Variants in KIRREL3 observed in about 807,000 individuals in gnomAD.
KIRREL3 encodes the protein kirre like nephrin family adhesion molecule 3.
KIRREL3 carries 36 observed loss-of-function variants against 89.7 expected under a neutral mutation model. That is an observed-to-expected ratio of 0.40 (90% confidence interval 0.31 to 0.53). The LOEUF (loss-of-function observed/expected upper bound fraction) is 0.53, where lower values mean the gene tolerates loss of function less well. KIRREL3 is among the 20% of genes least tolerant of loss of function. The pLI, the probability that KIRREL3 is intolerant of heterozygous loss-of-function variation, is 0.49. For synonymous variants in KIRREL3, 445 were observed against 441.4 expected (o/e 1.01, Z -0.10); for missense variants, 864 against 1,056.6 (o/e 0.82, Z 2.53).
chr11:126,866,578 C>A (rs894249454), intron 1 of KIRREL3, among the ~76,000 whole-genome samples: 6 of 87,484 alleles, frequency 6.9e-5, no homozygotes, highest in Non-Finnish European at 1.4e-4. Context: ...TAAGTGAGGA[C>A]AAGCCACTCC....
rs529470700 is a variant in KIRREL3 at position 126,750,881 on chromosome 11, C to T, written c.56-187969G>A. Among the ~76,000 whole-genome samples, 1 of 152,308 alleles carries T rather than the reference C, an allele frequency of 6.6e-6. No homozygotes were observed. Among genetic ancestry groups the T allele is most frequent in the African/African-American group, 2.4e-5 (1 of 41,576 alleles). On this transcript the variant is annotated intron_variant, in intron 1 of 16. Transcript: ENST00000525144. The surrounding 1 kb of genome is among the most constrained non-coding windows in gnomAD (Gnocchi z 4.2). ...CTAATAAAACACATGATAGTTATCA[C>T]TTTAGGGATGGCTTTGATTTGCAGG...
At chr11:126,849,279 TA>T (rs1209084268) in intron 1 of KIRREL3, among the ~76,000 whole-genome samples, 1 of 41,936 alleles carries the variant, frequency 2.4e-5, no homozygotes. Flanking sequence ...AGTTACCCTA[TA>T]CAGTCTCAGA....
Position 126,612,117 on chromosome 11 carries a change from A to G in KIRREL3, c.56-49205T>C, listed in dbSNP as rs76792771. ...TAACCTGTCTTCCTCCTGCTGAAAT[A>G]TCAACTCCAAGAGGGCAAGGAGTGT... On this transcript the variant is annotated intron_variant, in intron 1 of 16. Coordinates refer to ENST00000525144, the MANE Select transcript of KIRREL3 (RefSeq NM_032531.4). The surrounding 1 kb of genome is among the most constrained non-coding windows in gnomAD (Gnocchi z 4.5). Among the ~76,000 whole-genome samples the G allele has an allele frequency of 6.6e-3, 1,002 of 152,302 alleles. 14 individuals carry two copies. The highest frequency in any genetic ancestry group is 0.023 in the African/African-American group (950 of 41,558).
intron 1 of KIRREL3, among the ~76,000 whole-genome samples, chr11:126,847,393 C>T (rs562574113): frequency 1.5e-4 from 23 of 152,092 alleles, no homozygotes; most frequent in African/African-American, 4.8e-4. Flanking sequence ...CTGTGGCTGC[C>T]CTAAACATTT....
chr11:126,529,779 A>G (rs1442163497), intron 2 of KIRREL3, among the ~76,000 whole-genome samples: 1 of 151,844 alleles, frequency 6.6e-6, no homozygotes, highest in African/African-American at 2.4e-5. Context: ...CTAATTGACA[A>G]TGTCCCTTTT....
rs372074370 is a variant in KIRREL3 at position 126,897,412 on chromosome 11, G to GA, written c.55+103042dup. On this transcript the variant is annotated intron_variant, in intron 1 of 16. Transcript: ENST00000525144. This position sits in a 1 kb window ranked among gnomAD's most constrained non-coding sequence, Gnocchi z 4.2. Reference sequence around the variant, plus strand: ...TCCCCAAGCGTTCTCTTATTTTGGGGAAAAAAAATGAATGTGCAATTCAAC... The same window carrying GA: ...TCCCCAAGCGTTCTCTTATTTTGGGGAAAAAAAAATGAATGTGCAATTCAAC... 3.3e-5 allele frequency among the ~76,000 whole-genome samples: 5 copies of GA among 151,630 alleles called. No individual in the cohort carries two copies. The highest frequency in any genetic ancestry group is 7.3e-5 in the African/African-American group (3 of 41,272).
rs1398039595 is a variant in KIRREL3 at position 126,918,494 on chromosome 11, G to T, written c.55+81961C>A. Among the ~76,000 whole-genome samples, 1 of 152,200 alleles carries T rather than the reference G, an allele frequency of 6.6e-6. No individual in the cohort carries two copies. Among genetic ancestry groups the T allele is most frequent in the African/African-American group, 2.4e-5 (1 of 41,444 alleles). ...ATAAGCAAGCTTGTGGTGGAGGGCA[G>T]TTACCGGATTTTAATTAACTAGCTG... On this transcript the variant is annotated intron_variant, in intron 1 of 16. Transcript: ENST00000525144. This position sits in a 1 kb window ranked among gnomAD's most constrained non-coding sequence, Gnocchi z 6.5.
At position 126,990,260 on chromosome 11, in the gene KIRREL3, C is replaced by T. The variant is rs1209381201; in HGVS notation, c.55+10195G>A. Among the ~76,000 whole-genome samples, 1 of 152,182 alleles carries T rather than the reference C, an allele frequency of 6.6e-6. No individual in the cohort carries two copies. The highest frequency in any genetic ancestry group is 1.9e-4 in the East Asian group (1 of 5,180). On this transcript the variant is annotated intron_variant, in intron 1 of 16. Transcript: ENST00000525144. The surrounding 1 kb of genome is among the most constrained non-coding windows in gnomAD (Gnocchi z 6.3). Reference sequence around the variant, plus strand: ...CTCTTTGAAGCTCTCTCAAGCCCCTCTGAGCATTTGCAATTGTACCCCCTT... The same window carrying T: ...CTCTTTGAAGCTCTCTCAAGCCCCTTTGAGCATTTGCAATTGTACCCCCTT...
rs948861944 is a variant in KIRREL3 at position 126,931,008 on chromosome 11, T to C, written c.55+69447A>G. Among the ~76,000 whole-genome samples, 2 of 152,220 alleles carry C rather than the reference T, an allele frequency of 1.3e-5. No individual in the cohort carries two copies. The highest frequency in any genetic ancestry group is 4.8e-5 in the African/African-American group (2 of 41,462). ...TCGGTTCCCTCTGCCAGAATTCCCCTATCCATCTCCCACTCTCACACAGGA... is the reference window on the plus strand; with the variant it reads ...TCGGTTCCCTCTGCCAGAATTCCCCCATCCATCTCCCACTCTCACACAGGA... On this transcript the variant is annotated intron_variant, in intron 1 of 16. Coordinates refer to ENST00000525144, the MANE Select transcript of KIRREL3 (RefSeq NM_032531.4). The surrounding 1 kb of genome is among the most constrained non-coding windows in gnomAD (Gnocchi z 5.1).
intron 4 of KIRREL3, among the ~76,000 whole-genome samples, chr11:126,499,366 CTACT>C (rs1957780700): frequency 6.6e-6 from 1 of 152,100 alleles, no homozygotes; most frequent in African/African-American, 2.4e-5. Context: ...CCCGGTTGCC[CTACT>C]TACTTTCTGT....
Position 126,515,791 on chromosome 11 carries a change from G to T in KIRREL3, c.433+5524C>A, listed in dbSNP as rs551454437. Among the ~76,000 whole-genome samples, 1 of 152,158 alleles carries T rather than the reference G, an allele frequency of 6.6e-6. No homozygotes were observed. The highest frequency in any genetic ancestry group is 2.4e-5 in the African/African-American group (1 of 41,434). On this transcript the variant is annotated intron_variant, in intron 4 of 16. Coordinates refer to ENST00000525144, the MANE Select transcript of KIRREL3 (RefSeq NM_032531.4). The surrounding 1 kb of genome is among the most constrained non-coding windows in gnomAD (Gnocchi z 4.2). Reference sequence around the variant, plus strand: ...TTTTGTTCTGTGGGGACACTTTCTCGCCCCTGAAGAACCCCTCAGACTGTC... The same window carrying T: ...TTTTGTTCTGTGGGGACACTTTCTCTCCCCTGAAGAACCCCTCAGACTGTC...
At chr11:126,749,380 TG>T (rs1483966849) in intron 1 of KIRREL3, among the ~76,000 whole-genome samples, 4 of 152,198 alleles carry the variant, frequency 2.6e-5, no homozygotes, top group Admixed American at 1.3e-4. Flanking sequence ...TTTTCTAAAT[TG>T]CTCCGACTTG....
At chr11:126,959,270 A>G (rs1485112012) in intron 1 of KIRREL3, among the ~76,000 whole-genome samples, 2 of 152,188 alleles carry the variant, frequency 1.3e-5, no homozygotes, top group Non-Finnish European at 2.9e-5. Context: ...TCTCTTTCTC[A>G]TCTATCTGTG....
Position 126,872,636 on chromosome 11 carries a change from C to T in KIRREL3, c.55+127819G>A, listed in dbSNP as rs1592258910. 6.6e-6 allele frequency among the ~76,000 whole-genome samples: 1 copy of T among 152,326 alleles called. No homozygotes were observed. The highest frequency in any genetic ancestry group is 2.1e-4 in the South Asian group (1 of 4,824). ...GCCTTGTTATCTTTGAAAAAATGCT[C>T]CAGAGTGTCTATCTTTTCTTTCTCT... On this transcript the variant is annotated intron_variant, in intron 1 of 16. Coordinates refer to ENST00000525144, the MANE Select transcript of KIRREL3 (RefSeq NM_032531.4). This position sits in a 1 kb window ranked among gnomAD's most constrained non-coding sequence, Gnocchi z 4.2.
rs902801654 is a variant in KIRREL3, at chr11:126,564,546, T to C, written c.56-1634A>G. Among the ~76,000 whole-genome samples the C allele has an allele frequency of 6.6e-6, 1 of 152,106 alleles. No individual in the cohort carries two copies. Among genetic ancestry groups the C allele is most frequent in the Non-Finnish European group, 1.5e-5 (1 of 68,022 alleles). On this transcript the variant is annotated intron_variant, in intron 1 of 16. Transcript: ENST00000525144. This position sits in a 1 kb window ranked among gnomAD's most constrained non-coding sequence, Gnocchi z 7.4. ...TCCAAAGGCACTCACTTCTCTTCCTTCCCCTCCACACTGGCGTCTGAAGGC... is the reference window on the plus strand; with the variant it reads ...TCCAAAGGCACTCACTTCTCTTCCTCCCCCTCCACACTGGCGTCTGAAGGC...
intron 1 of KIRREL3, among the ~76,000 whole-genome samples, chr11:126,733,777 G>A (rs1021393191): frequency 2.6e-5 from 4 of 152,146 alleles, no homozygotes; most frequent in Middle Eastern, 3.4e-3. Flanking sequence ...TGATTTGAAC[G>A]GGTTGCTGCT....
rs1938017697 is a variant in KIRREL3 at position 126,537,737 on chromosome 11, C to T, written c.134-11050G>A. 6.6e-6 allele frequency among the ~76,000 whole-genome samples: 1 copy of T among 152,198 alleles called. No homozygotes were observed. Among genetic ancestry groups the T allele is most frequent in the African/African-American group, 2.4e-5 (1 of 41,442 alleles). On this transcript the variant is annotated intron_variant, in intron 2 of 16. Coordinates refer to ENST00000525144, the MANE Select transcript of KIRREL3 (RefSeq NM_032531.4). This position sits in a 1 kb window ranked among gnomAD's most constrained non-coding sequence, Gnocchi z 4.3. ...CTGAAAAATGGGGATGACACGCCTCCCTGGCAAAGCTGCTGTGAGCATGAG... is the reference window on the plus strand; with the variant it reads ...CTGAAAAATGGGGATGACACGCCTCTCTGGCAAAGCTGCTGTGAGCATGAG...
rs1958588323 is a variant in KIRREL3 at position 126,521,579 on chromosome 11, G to A, written c.284-115C>T. 2.2e-6 allele frequency: 2 copies of A among 906,226 alleles called. No homozygotes were observed. Among genetic ancestry groups the A allele is most frequent in the Non-Finnish European group, 3.3e-6 (2 of 601,418 alleles). The allele number at this position is 906,226 out of a possible 1,614,324, so 56.1% of individuals were successfully genotyped here. On this transcript the variant is annotated intron_variant, in intron 3 of 16. Transcript: ENST00000525144. The surrounding 1 kb of genome is among the most constrained non-coding windows in gnomAD (Gnocchi z 4.1). ...GGCCATTCTACAAGGCTGGCAGAGC[G>A]GGTGATTGCTCAGGGCTCTGATCTC...
chr11:126,576,304 T>C lies in KIRREL3; in HGVS notation c.56-13392A>G, dbSNP rs530114321. ...TCAGGTATGGGTCAGCTTTATGTAG[T>C]TAACCTTCCAGTCATTCAGGTTTTT... On this transcript the variant is annotated intron_variant, in intron 1 of 16. Transcript: ENST00000525144. This position sits in a 1 kb window ranked among gnomAD's most constrained non-coding sequence, Gnocchi z 5.4. Among the ~76,000 whole-genome samples the C allele has an allele frequency of 6.6e-6, 1 of 152,360 alleles. No individual in the cohort carries two copies. The highest frequency in any genetic ancestry group is 1.5e-5 in the Non-Finnish European group (1 of 68,030).
Sources: allele counts gnomAD v4.1 joint callset (sites outside exome capture counted in the v4.1 genomes callset), GRCh38; gene constraint gnomAD v4.1.1; non-coding constraint Gnocchi (gnomAD v3.1); transcripts MANE v1.5; gene names NCBI Gene and HGNC (gene_info 2026-07-23, HGNC 2026-07-21).